PKP4: variants seen among roughly 807,000 people sequenced by gnomAD.
PKP4 encodes the protein plakophilin 4.
Under a neutral mutation model 145.1 loss-of-function variants are expected in PKP4, and 90 were observed. The ratio of observed to expected loss-of-function variants is 0.62; its 90% CI spans 0.52 to 0.74. The LOEUF is 0.74. Among genes scored for constraint, PKP4 ranks in the 30% least tolerant of loss-of-function variants. The pLI is 0.00. For missense variants in PKP4, 1,340 were observed against 1,482.7 expected (o/e 0.90, Z 1.58); for synonymous variants, 563 against 577.2 (o/e 0.98, Z 0.35).
At chr2:158,658,492 G>T in intron 12 of PKP4, 178 bp downstream of exon 12, 1 of 509,900 alleles carries the variant, frequency 2.0e-6, no homozygotes, top group South Asian at 3.2e-5. Flanking sequence ...ACAGACTTGT[G>T]GCCTTAAAGA....
In PKP4 at chr2:158,537,826, A is replaced by G. The variant is rs191331684; in HGVS notation, c.132+4510A>G. On this transcript the variant is annotated intron_variant, in intron 2 of 21. Coordinates refer to ENST00000389759, the MANE Select transcript of PKP4 (RefSeq NM_003628.6). ...GCAGATGGCTTGAGCTCAGGAGTTC[A>G]AGGCCAGCCTGGGCAACATGACAAA... Among the ~76,000 whole-genome samples, 671 of 152,186 alleles carry G rather than the reference A, an allele frequency of 4.4e-3. 3 individuals are homozygous for G. The highest frequency in any genetic ancestry group is 0.02 in the South Asian group (96 of 4,816).
At chr2:158,539,942 G>A (rs983829755) in intron 2 of PKP4, among the ~76,000 whole-genome samples, 18 of 152,030 alleles carry the variant, frequency 1.2e-4, no homozygotes, top group Non-Finnish European at 1.5e-5. Context: ...CACCTCAAGC[G>A]TCCCTGTGAT....
intron 2 of PKP4, among the ~76,000 whole-genome samples, chr2:158,535,759 C>T (rs943194293): frequency 3.3e-5 from 5 of 151,924 alleles, no homozygotes; most frequent in East Asian, 1.9e-4. Flanking sequence ...ACTGCCATGC[C>T]GTAATGGTAT....
chr2:158,463,546 C>G (rs1369561802), intron 1 of PKP4, among the ~76,000 whole-genome samples: 1 of 152,156 alleles, frequency 6.6e-6, no homozygotes, highest in East Asian at 1.9e-4. Context: ...TCAAGAGGCT[C>G]TAGTTCTAGT....
At chr2:158,610,273 T>C (rs891004698) in intron 4 of PKP4, among the ~76,000 whole-genome samples, 2 of 152,174 alleles carry the variant, frequency 1.3e-5, no homozygotes, top group Admixed American at 6.5e-5. Context: ...TTCCATAATA[T>C]TAGTGTGTCA....
At position 158,587,832 on chromosome 2, in the gene PKP4, T is replaced by C. The variant is rs956520554; in HGVS notation, c.245+10449T>C. 9.2e-5 allele frequency among the ~76,000 whole-genome samples: 14 copies of C among 151,966 alleles called. 1 individual carries two copies. Among genetic ancestry groups the C allele is most frequent in the Admixed American group, 8.5e-4 (13 of 15,240 alleles). ...TAACCACTAGTATGTAATGTTTCAA[T>C]TGACTTTGTATACTTTTATGTCAAT... On this transcript the variant is annotated intron_variant, in intron 3 of 21. Transcript: ENST00000389759.
intron 1 of PKP4, among the ~76,000 whole-genome samples, chr2:158,496,405 A>G (rs796293820): frequency 7.2e-5 from 11 of 152,302 alleles, no homozygotes; most frequent in African/African-American, 2.6e-4. Flanking sequence ...TAAGGATTGA[A>G]TTTATCGATT....
At chr2:158,586,822 A>T (rs2048837530) in intron 3 of PKP4, among the ~76,000 whole-genome samples, 1 of 152,236 alleles carries the variant, frequency 6.6e-6, no homozygotes, top group Non-Finnish European at 1.5e-5. Flanking sequence ...GCCAGTTTCA[A>T]CTGGGACATA....
intron 2 of PKP4, among the ~76,000 whole-genome samples, chr2:158,549,738 A>G (rs3771602): frequency 0.68 from 103,906 of 151,994 alleles, 35,837 homozygotes; most frequent in South Asian, 0.83. Context: ...ATATTCCAAC[A>G]CTCATATTTT....
At chr2:158,467,897 A>G (rs1690902656) in intron 1 of PKP4, among the ~76,000 whole-genome samples, 1 of 152,184 alleles carries the variant, frequency 6.6e-6, no homozygotes, top group Non-Finnish European at 1.5e-5. Context: ...TTTATAAAGT[A>G]TGTGATTTGG....
chr2:158,621,446 T>C (rs749626559), intron 6 of PKP4, 25 bp downstream of exon 6: 7 of 1,591,106 alleles, frequency 4.4e-6, no homozygotes, highest in Non-Finnish European at 6.0e-6. Flanking sequence ...TCAAGATCTC[T>C]GCAAAGAAAT....
chr2:158,654,013 C>CA (rs1341635279), intron 11 of PKP4, among the ~76,000 whole-genome samples: 1 of 152,040 alleles, frequency 6.6e-6, no homozygotes, highest in Non-Finnish European at 1.5e-5. Context: ...TTACTTTGAG[C>CA]AAAAAAGCCA....
chr2:158,476,695 A>C (rs1026468173), intron 1 of PKP4, among the ~76,000 whole-genome samples: 1 of 150,388 alleles, frequency 6.6e-6, no homozygotes, highest in African/African-American at 2.4e-5. Context: ...AGTTTAGGCG[A>C]TCTCACTTTT....
chr2:158,523,185 GACAA>G (rs2042577390), intron 1 of PKP4, among the ~76,000 whole-genome samples: 1 of 148,430 alleles, frequency 6.7e-6, no homozygotes, highest in African/African-American at 2.4e-5. Flanking sequence ...GCAGGGCACA[GACAA>G]ACAAAAAGAC....
intron 12 of PKP4, chr2:158,660,266 A>G (rs1411127721): frequency 1.3e-5 from 2 of 152,708 alleles, no homozygotes; most frequent in Non-Finnish European, 2.9e-5. Context: ...AGAATCCGCA[A>G]TTCTAGAGAG....
chr2:158,567,422 C>G (rs2047079913), intron 2 of PKP4, among the ~76,000 whole-genome samples: 1 of 152,182 alleles, frequency 6.6e-6, no homozygotes, highest in African/African-American at 2.4e-5. Context: ...GGTCTTAAAA[C>G]AAGGCTGAGT....
At position 158,577,197 on chromosome 2, in the gene PKP4, A is replaced by G; in HGVS notation, c.133-74A>G. On this transcript the variant is annotated intron_variant, in intron 2 of 21. Coordinates refer to ENST00000389759, the MANE Select transcript of PKP4 (RefSeq NM_003628.6). ...GGTACGTTCCTATGTTTCCTGTGAC[A>G]TACATTAATTCATATATCTGCCTGA... 4 of 862,324 alleles carry G rather than the reference A, an allele frequency of 4.6e-6. No homozygotes were observed. In the South Asian group the frequency reaches 6.4e-5, roughly 14 times the overall value. The allele number at this position is 862,324 out of a possible 1,614,324, so 53.4% of individuals were successfully genotyped here.
intron 16 of PKP4, among the ~76,000 whole-genome samples, chr2:158,667,345 C>G (rs971260834): frequency 6.6e-6 from 1 of 152,128 alleles, no homozygotes; most frequent in South Asian, 2.1e-4. Flanking sequence ...CTCCGTAATT[C>G]TATCTAGATT....
At chr2:158,522,492 T>G (rs1347217412) in intron 1 of PKP4, among the ~76,000 whole-genome samples, 1 of 152,190 alleles carries the variant, frequency 6.6e-6, no homozygotes, top group Non-Finnish European at 1.5e-5. Context: ...TATGAGCCTC[T>G]TTGTGTTCAA....
Sources: allele counts gnomAD v4.1 joint callset (sites outside exome capture counted in the v4.1 genomes callset), GRCh38; gene constraint gnomAD v4.1.1; transcripts MANE v1.5; gene names NCBI Gene and HGNC (gene_info 2026-07-23, HGNC 2026-07-21).